PDE3B: variants seen among roughly 807,000 people sequenced by gnomAD.
The protein encoded by PDE3B is cGMP-inhibited 3',5'-cyclic phosphodiesterase 3B.
A neutral mutation model predicts 116.8 loss-of-function variants in PDE3B; 66 were observed. That is an observed-to-expected ratio of 0.56 (90% CI 0.46 to 0.69). PDE3B has a LOEUF of 0.69. PDE3B is among the 30% of genes least tolerant of loss of function. PDE3B has a pLI of 0.00. For missense variants in PDE3B, 1,384 were observed against 1,368.1 expected (o/e 1.01, Z -0.18); for synonymous variants, 595 against 533.6 (o/e 1.12, Z -1.59).
chr11:14,851,508 G>C (rs982534151), intron 12 of PDE3B, among the ~76,000 whole-genome samples: 11 of 135,700 alleles, frequency 8.1e-5, no homozygotes, highest in Admixed American at 7.1e-4. Flanking sequence ...GGGTATAATG[G>C]GGTGTGTGTG....
At chr11:14,707,242 G>A (rs943696078) in intron 1 of PDE3B, among the ~76,000 whole-genome samples, 4 of 151,932 alleles carry the variant, frequency 2.6e-5, no homozygotes, top group African/African-American at 9.7e-5. Context: ...CTGAAAATCT[G>A]GGGATGGATT....
chr11:14,868,114 T>G (rs1848080551), intron 15 of PDE3B, among the ~76,000 whole-genome samples: 1 of 152,218 alleles, frequency 6.6e-6, no homozygotes, highest in Non-Finnish European at 1.5e-5. Flanking sequence ...GATTCAACAG[T>G]CATGTTTTGA....
the PDE3B span, among the ~76,000 whole-genome samples, chr11:14,881,041 A>G: frequency 1.3e-5 from 2 of 152,108 alleles, no homozygotes; most frequent in African/African-American, 4.8e-5. Context: ...ACCTGGTGAA[A>G]TAGGCCCAGG....
chr11:14,818,240 G>T lies in PDE3B; in HGVS notation c.1580G>T (p.Gly527Val). The change falls in exon 6 of 16, where the codon GGC becomes GTC. Residue 527 changes from glycine (G) to valine (V), a missense_variant. Coordinates refer to ENST00000282096, the MANE Select transcript of PDE3B (RefSeq NM_000922.4). ...TCCAACCATGGACCAGTGTCTACTG[G>T]CTCTCTAACTAATCGATCACCCATA... is the stretch of plus-strand genomic sequence containing the variant. ...NSSNHGPVST[G>V]SLTNRSPIEF... 1 of 1,613,510 alleles carries T rather than the reference G, an allele frequency of 6.2e-7. No individual in the cohort carries two copies. Among genetic ancestry groups the T allele is most frequent in the Non-Finnish European group, 8.5e-7 (1 of 1,179,640 alleles).
chr11:14,781,081 C>A (rs901084312), intron 2 of PDE3B, among the ~76,000 whole-genome samples: 2 of 152,082 alleles, frequency 1.3e-5, no homozygotes, highest in Non-Finnish European at 2.9e-5. Context: ...GGATAAATTC[C>A]TCGACACATA....
At chr11:14,810,534 A>G (rs1859094108) in intron 5 of PDE3B, among the ~76,000 whole-genome samples, 1 of 151,990 alleles carries the variant, frequency 6.6e-6, no homozygotes, top group South Asian at 2.1e-4. Context: ...TCCATAGTGT[A>G]TATGTGCCAC....
chr11:14,668,093 A>G (rs1854238561), intron 1 of PDE3B, among the ~76,000 whole-genome samples: 1 of 151,894 alleles, frequency 6.6e-6, no homozygotes, highest in Non-Finnish European at 1.5e-5. Context: ...GTTTAAAAGG[A>G]AGAAAGGGGG....
At position 14,803,983 on chromosome 11, in the gene PDE3B, A is replaced by G. The variant is rs1374029351; in HGVS notation, c.1455A>G (p.Leu485=). 5.0e-6 allele frequency: 8 copies of G among 1,611,058 alleles called. No homozygotes were observed. The highest frequency in any genetic ancestry group is 5.9e-6 in the Non-Finnish European group (7 of 1,177,250). The part of the protein sequence containing the change: ...CYLNGPFNSN[L]LTIPKQRSSS... ...TAAATGGGCCTTTTAATTCAAATCT[A>G]CTGACTATCCCGAAGCAAAGGTCAT... is the stretch of plus-strand genomic sequence containing the variant. The change falls in exon 5 of 16, where the codon CTA becomes CTG. Residue 485 remains leucine (L), a synonymous_variant. Transcript: ENST00000282096.
In PDE3B at chr11:14,819,218, A is replaced by G; in HGVS notation, c.1807+9A>G. Reference sequence around the variant, plus strand: ...CTGCAGTGGAAAATCAGGTGAGATTACAAAAGTCATATGTATTTGAGTTTA... The same window carrying G: ...CTGCAGTGGAAAATCAGGTGAGATTGCAAAAGTCATATGTATTTGAGTTTA... On this transcript the variant is annotated intron_variant, in intron 7 of 15. Transcript: ENST00000282096. The G allele has an allele frequency of 5.8e-6, 9 of 1,546,840 alleles. No individual in the cohort carries two copies. Among genetic ancestry groups the G allele is most frequent in the Non-Finnish European group, 8.0e-6 (9 of 1,125,206 alleles).
chr11:14,681,928 A>G lies in PDE3B; in HGVS notation c.978+36875A>G, dbSNP rs560232533. 6.6e-5 allele frequency among the ~76,000 whole-genome samples: 10 copies of G among 152,286 alleles called. No individual in the cohort carries two copies. The East Asian group carries it at 1.2e-3, about 18-fold the overall frequency. On this transcript the variant is annotated intron_variant, in intron 1 of 15. Coordinates refer to ENST00000282096, the MANE Select transcript of PDE3B (RefSeq NM_000922.4). Reference sequence around the variant, plus strand: ...ACTTTTGACTCCCCCAAACCTAACTACTGATAGCCTGCTGTTGACTGGAAG... The same window carrying G: ...ACTTTTGACTCCCCCAAACCTAACTGCTGATAGCCTGCTGTTGACTGGAAG...
At chr11:14,795,871 CTTA>C (rs940476746) in intron 4 of PDE3B, among the ~76,000 whole-genome samples, 7 of 151,558 alleles carry the variant, frequency 4.6e-5, no homozygotes, top group African/African-American at 7.3e-5. Flanking sequence ...AATTCATTAT[CTTA>C]TTATTATTAT....
At chr11:14,795,565 A>C (rs899645937) in intron 4 of PDE3B, among the ~76,000 whole-genome samples, 1 of 152,194 alleles carries the variant, frequency 6.6e-6, no homozygotes. Flanking sequence ...AATTCTAAAT[A>C]GCTAAATGAA....
In PDE3B at chr11:14,644,123, G is replaced by T. The variant is rs1358249738; in HGVS notation, c.48G>T (p.Pro16=). Residue 16 remains proline (P), a synonymous_variant, in exon 1 of 16, where the codon CCG becomes CCT. Coordinates refer to ENST00000282096, the MANE Select transcript of PDE3B (RefSeq NM_000922.4). ...CCAAAGCCATGCGGTCCCTGCAGCC[G>T]CCGGATGGGGCCGGCTCGCCCCCCG... is the stretch of plus-strand genomic sequence containing the variant. ...RDAKAMRSLQ[P]PDGAGSPPES... The T allele has an allele frequency of 2.2e-5, 34 of 1,580,152 alleles. No individual in the cohort carries two copies. Among genetic ancestry groups the T allele is most frequent in the Non-Finnish European group, 2.9e-5 (34 of 1,172,258 alleles).
intron 7 of PDE3B, among the ~76,000 whole-genome samples, chr11:14,829,899 T>A (rs1318127601): frequency 1.3e-5 from 2 of 152,144 alleles, no homozygotes; most frequent in African/African-American, 2.4e-5. Context: ...AAATTACCCA[T>A]CATGACCCCT....
chr11:14,892,288 G>C, the PDE3B span: 1 of 1,368,614 alleles, frequency 7.3e-7, no homozygotes, highest in Non-Finnish European at 1.0e-6. Context: ...CCATTGGCAG[G>C]ATACCCTCAG....
At chr11:14,839,456 A>C (rs913613785) in intron 11 of PDE3B, among the ~76,000 whole-genome samples, 1 of 152,234 alleles carries the variant, frequency 6.6e-6, no homozygotes, top group African/African-American at 2.4e-5. Context: ...TAGCTTTTAC[A>C]CAGGATAAGT....
At chr11:14,680,046 C>T (rs1854653962) in intron 1 of PDE3B, among the ~76,000 whole-genome samples, 1 of 152,104 alleles carries the variant, frequency 6.6e-6, no homozygotes, top group Non-Finnish European at 1.5e-5. Flanking sequence ...TAGGCCATTG[C>T]CTCTGGAGGG....
At chr11:14,678,196 G>T (rs1854590472) in intron 1 of PDE3B, among the ~76,000 whole-genome samples, 1 of 152,122 alleles carries the variant, frequency 6.6e-6, no homozygotes, top group Non-Finnish European at 1.5e-5. Context: ...GGACTGCTGG[G>T]ATTATAGGCA....
chr11:14,745,897 C>T (rs1856898562), intron 1 of PDE3B, among the ~76,000 whole-genome samples: 1 of 152,156 alleles, frequency 6.6e-6, no homozygotes, highest in South Asian at 2.1e-4. Context: ...TATTCCACAT[C>T]CCCATTTGCT....
Sources: allele counts gnomAD v4.1 joint callset (sites outside exome capture counted in the v4.1 genomes callset), GRCh38; gene constraint gnomAD v4.1.1; transcripts MANE v1.5; gene names NCBI Gene and HGNC (gene_info 2026-07-23, HGNC 2026-07-21).